HFM1: variants seen among roughly 807,000 people sequenced by gnomAD.
The protein encoded by HFM1 is probable ATP-dependent DNA helicase HFM1.
In HFM1, 169 loss-of-function variants were observed where a neutral mutation model predicts 192.1. That is an observed-to-expected ratio of 0.88 (90% CI 0.78 to 1.00). HFM1 has a LOEUF of 1.00. Among genes scored for constraint, HFM1 ranks in the 50% least tolerant of loss-of-function variants. The pLI is 0.00. For synonymous variants in HFM1, 525 were observed against 537.8 expected (o/e 0.98, Z 0.33); for missense variants, 1,661 against 1,668.0 (o/e 1.00, Z 0.07).
chr1:91,337,070 G>T lies in HFM1; in HGVS notation c.2335+6360C>A, dbSNP rs543737750. Among the ~76,000 whole-genome samples the T allele has an allele frequency of 2.0e-5, 3 of 152,302 alleles. No homozygotes were observed. The East Asian group carries it at 5.8e-4, about 29-fold the overall frequency. On this transcript the variant is annotated intron_variant, in intron 20 of 38. Transcript: ENST00000370425. ...GCGTTGTGGGGAACAACACACGTTG[G>T]GGTCTGTTGGGGAGGGCGAGGGGAA...
At chr1:91,396,271 A>G in intron 3 of HFM1, 22 bp downstream of exon 3, 2 of 1,261,952 alleles carry the variant, frequency 1.6e-6, no homozygotes, top group Non-Finnish European at 2.3e-6. Flanking sequence ...TTTGGCTTCA[A>G]AACAAATATG....
intron 20 of HFM1, among the ~76,000 whole-genome samples, chr1:91,334,050 A>T (rs987401387): frequency 1.3e-5 from 2 of 152,200 alleles, no homozygotes; most frequent in Admixed American, 1.3e-4. Flanking sequence ...ATGCTTTAGT[A>T]GAGAGGAAAT....
At chr1:91,339,056 C>A in intron 20 of HFM1, 3 of 454,854 alleles carry the variant, frequency 6.6e-6, no homozygotes, top group East Asian at 7.0e-5. Context: ...GTCAACTAAA[C>A]CCAACTTATG....
intron 5 of HFM1, 78 bp downstream of exon 5, chr1:91,385,497 A>G: frequency 2.5e-6 from 3 of 1,222,720 alleles, no homozygotes; most frequent in Non-Finnish European, 3.4e-6. Flanking sequence ...AATTTACTAT[A>G]TTTTTACATT....
At chr1:91,267,563 G>C (rs529805927) in intron 35 of HFM1, among the ~76,000 whole-genome samples, 182 bp downstream of exon 35, 2 of 152,144 alleles carry the variant, frequency 1.3e-5, no homozygotes, top group East Asian at 3.9e-4. Context: ...TGTTCTTAGG[G>C]GGGAAATGTT....
chr1:91,311,625 C>CAAA (rs35661538), intron 30 of HFM1, among the ~76,000 whole-genome samples: 2 of 125,618 alleles, frequency 1.6e-5, no homozygotes. Flanking sequence ...GACTCCATCT[C>CAAA]AAAAAAAAAA....
At chr1:91,287,564 A>G (rs1356029055) in intron 30 of HFM1, among the ~76,000 whole-genome samples, 1 of 152,206 alleles carries the variant, frequency 6.6e-6, no homozygotes, top group Non-Finnish European at 1.5e-5. Flanking sequence ...AAAGATAGGG[A>G]AAAAACAGAG....
intron 3 of HFM1, among the ~76,000 whole-genome samples, chr1:91,395,300 T>C (rs1663522344): frequency 6.6e-6 from 1 of 152,122 alleles, no homozygotes; most frequent in Admixed American, 6.5e-5. Context: ...TGATAGGAGT[T>C]TAATAGTCAC....
At chr1:91,387,019 C>T (rs1054705451) in intron 4 of HFM1, among the ~76,000 whole-genome samples, 1 of 152,196 alleles carries the variant, frequency 6.6e-6, no homozygotes, top group Non-Finnish European at 1.5e-5. Context: ...TATGACTGTA[C>T]TGTATTATAT....
chr1:91,378,998 T>C, intron 9 of HFM1, 65 bp downstream of exon 9: 1 of 966,042 alleles, frequency 1.0e-6, no homozygotes. Flanking sequence ...ACTTTTTATC[T>C]CAGTAAAGAA....
intron 30 of HFM1, among the ~76,000 whole-genome samples, chr1:91,295,580 G>C (rs140991320): frequency 6.6e-5 from 10 of 152,166 alleles, no homozygotes; most frequent in Non-Finnish European, 1.3e-4. Flanking sequence ...AAATATAGTC[G>C]CATTCTGAGG....
At chr1:91,405,056 C>T (rs187489580), upstream of HFM1, among the ~76,000 whole-genome samples, 1 of 152,234 alleles carries the variant, frequency 6.6e-6, no homozygotes, top group Admixed American at 6.5e-5. Context: ...CTAAGCTAAC[C>T]TGCTTCTCTA....
At chr1:91,293,935 A>T (rs553427903) in intron 30 of HFM1, among the ~76,000 whole-genome samples, 30 of 151,582 alleles carry the variant, frequency 2.0e-4, no homozygotes, top group Admixed American at 2.0e-3. Context: ...CATTCTCAGC[A>T]AACTATCGCA....
chr1:91,310,344 T>C (rs1015949673), intron 30 of HFM1, among the ~76,000 whole-genome samples: 2 of 152,182 alleles, frequency 1.3e-5, no homozygotes, highest in Non-Finnish European at 2.9e-5. Flanking sequence ...TTGATCACTG[T>C]TTAAAGTGGA....
intron 6 of HFM1, among the ~76,000 whole-genome samples, chr1:91,384,771 G>A (rs1303465558): frequency 2.0e-5 from 3 of 147,436 alleles, no homozygotes; most frequent in Non-Finnish European, 4.5e-5. Flanking sequence ...TTGAGATGGA[G>A]TCTCACTCTT....
chr1:91,372,349 C>A (rs1047252162), intron 13 of HFM1, among the ~76,000 whole-genome samples: 8 of 152,116 alleles, frequency 5.3e-5, no homozygotes, highest in African/African-American at 1.9e-4. Flanking sequence ...AAATGTCCAA[C>A]AATGATAGAC....
At chr1:91,352,905 A>C in intron 15 of HFM1, 146 bp downstream of exon 15, 4 of 616,988 alleles carry the variant, frequency 6.5e-6, no homozygotes, top group Non-Finnish European at 1.1e-5. Context: ...TTACTGTAGC[A>C]TCTACATGCA....
intron 30 of HFM1, among the ~76,000 whole-genome samples, chr1:91,311,180 C>T (rs908039722): frequency 1.2e-4 from 19 of 152,126 alleles, no homozygotes; most frequent in Non-Finnish European, 2.6e-4. Flanking sequence ...ACTCTTGTTA[C>T]GTTTTAGCAA....
upstream of HFM1, among the ~76,000 whole-genome samples, chr1:91,407,920 T>C (rs948342854): frequency 9.8e-5 from 15 of 152,328 alleles, no homozygotes; most frequent in African/African-American, 3.6e-4. Flanking sequence ...GAAATTGATA[T>C]TGAAAAATTA....
Sources: gnomAD v4.1 joint callset for allele counts (sites outside exome capture counted in the v4.1 genomes callset) on GRCh38, gnomAD v4.1.1 for gene constraint, MANE v1.5 for transcripts, NCBI Gene and HGNC (gene_info 2026-07-23, HGNC 2026-07-21) for gene names.